The following CCSER1 variants were observed in gnomAD, a reference collection of about 807,000 sequenced individuals.
CCSER1 encodes the protein coiled-coil serine rich protein 1.
In CCSER1, 41 loss-of-function variants were observed where a neutral mutation model predicts 82.0. The observed-to-expected ratio is 0.50, with a 90% CI of 0.39 to 0.65. CCSER1 has a LOEUF of 0.65. Ranked by LOEUF, CCSER1 falls within the 30% of genes least tolerant of loss-of-function variation. The pLI is 0.00. For synonymous variants in CCSER1, 414 were observed against 383.9 expected, an observed-to-expected ratio of 1.08 and a Z score of -0.92; for missense variants, 1,119 against 1,064.2, an observed-to-expected ratio of 1.05 and a Z score of -0.72.
chr4:91,045,907 G>T (rs533935000), intron 9 of CCSER1, among the ~76,000 whole-genome samples: 121 of 151,952 alleles, frequency 8.0e-4, no homozygotes, highest in African/African-American at 2.8e-3. Context: ...GGGAGATAGG[G>T]GTGGGGCTGT....
intron 8 of CCSER1, among the ~76,000 whole-genome samples, chr4:90,860,019 A>C (rs1438911156): frequency 6.6e-6 from 1 of 151,684 alleles, no homozygotes; most frequent in Non-Finnish European, 1.5e-5. Flanking sequence ...CTTTGTGTCA[A>C]AATTAAAAAC....
At chr4:90,376,292 C>CAGTACAACAT (rs1748302342) in intron 3 of CCSER1, among the ~76,000 whole-genome samples, 1 of 152,168 alleles carries the variant, frequency 6.6e-6, no homozygotes, top group South Asian at 2.1e-4. Flanking sequence ...TCTGAAAAGG[C>CAGTACAACAT]AGTACAACAT....
At chr4:90,838,420 T>G (rs1270884266) in intron 8 of CCSER1, among the ~76,000 whole-genome samples, 1 of 151,714 alleles carries the variant, frequency 6.6e-6, no homozygotes, top group African/African-American at 2.4e-5. Flanking sequence ...TGAATTCAAT[T>G]TATATGATCT....
chr4:91,447,980 G>A lies in CCSER1; in HGVS notation c.2218-150592G>A, dbSNP rs149168093. On this transcript the variant is annotated intron_variant, in intron 10 of 10. Transcript: ENST00000509176. Reference sequence around the variant, plus strand: ...TATTTGCATTATTTTAGATGTTTATGTGAGTGTTCATATTACTTTCAGTGT... The same window carrying A: ...TATTTGCATTATTTTAGATGTTTATATGAGTGTTCATATTACTTTCAGTGT... Among the ~76,000 whole-genome samples, 44 of 152,162 alleles carry A rather than the reference G, an allele frequency of 2.9e-4. No individual in the cohort carries two copies. In the East Asian group the frequency reaches 7.9e-3, roughly 27 times the overall value.
intron 7 of CCSER1, among the ~76,000 whole-genome samples, chr4:90,734,067 C>T (rs764301097): frequency 2.6e-5 from 4 of 151,324 alleles, no homozygotes; most frequent in Non-Finnish European, 4.4e-5. Context: ...TTGTGAAAAA[C>T]GTCAATTTAA....
At chr4:90,483,018 T>C (rs2153599347) in intron 5 of CCSER1, among the ~76,000 whole-genome samples, 1 of 152,332 alleles carries the variant, frequency 6.6e-6, no homozygotes, top group South Asian at 2.1e-4. Flanking sequence ...AGTCACTTTG[T>C]AGGTCACTAA....
chr4:91,587,467 T>C (rs748935655), intron 10 of CCSER1, among the ~76,000 whole-genome samples: 5 of 151,828 alleles, frequency 3.3e-5, no homozygotes, highest in Non-Finnish European at 1.5e-5. Flanking sequence ...ATCAGACATA[T>C]ATATGTTGAC....
chr4:90,407,383 T>C (rs953138274), intron 4 of CCSER1, among the ~76,000 whole-genome samples: 17 of 152,092 alleles, frequency 1.1e-4, no homozygotes, highest in Non-Finnish European at 2.2e-4. Flanking sequence ...ACAAAAAAAG[T>C]TTAGGACCAG....
chr4:90,414,524 T>C (rs1281417759), intron 4 of CCSER1, among the ~76,000 whole-genome samples: 1 of 152,070 alleles, frequency 6.6e-6, no homozygotes, highest in Non-Finnish European at 1.5e-5. Context: ...TGTTAGAAAA[T>C]ATGAGATGCT....
intron 10 of CCSER1, among the ~76,000 whole-genome samples, chr4:91,332,934 A>G (rs753423494): frequency 6.6e-6 from 1 of 152,042 alleles, no homozygotes; most frequent in Non-Finnish European, 1.5e-5. Flanking sequence ...TATTATGTAT[A>G]AAAGTTTATT....
At chr4:90,700,744 G>A (rs1052354935) in intron 6 of CCSER1, among the ~76,000 whole-genome samples, 6 of 152,210 alleles carry the variant, frequency 3.9e-5, no homozygotes, top group Non-Finnish European at 7.3e-5. Context: ...GACCAGTGAT[G>A]ATGAGCATTT....
At chr4:90,641,351 C>G (rs1234704327) in intron 6 of CCSER1, among the ~76,000 whole-genome samples, 1 of 152,020 alleles carries the variant, frequency 6.6e-6, no homozygotes, top group Non-Finnish European at 1.5e-5. Context: ...ACACCGTATT[C>G]AGGGTAAGAT....
intron 10 of CCSER1, among the ~76,000 whole-genome samples, chr4:91,392,051 G>A (rs1025274778): frequency 6.6e-6 from 1 of 151,894 alleles, no homozygotes; most frequent in African/African-American, 2.4e-5. Flanking sequence ...TCTATTTGTA[G>A]TATTTGAAAT....
At chr4:90,914,715 GAA>G (rs61366146) in intron 8 of CCSER1, among the ~76,000 whole-genome samples, 1 of 128,624 alleles carries the variant, frequency 7.8e-6, no homozygotes, top group African/African-American at 2.8e-5. Context: ...GCTTTTTATT[GAA>G]AAAAAAAAAA....
At chr4:91,446,962 A>G (rs918464646) in intron 10 of CCSER1, among the ~76,000 whole-genome samples, 1 of 151,960 alleles carries the variant, frequency 6.6e-6, no homozygotes, top group African/African-American at 2.4e-5. Context: ...GTGTTATAGG[A>G]AGTAAATGTC....
At chr4:90,668,979 C>G (rs939654182) in intron 6 of CCSER1, among the ~76,000 whole-genome samples, 1 of 151,810 alleles carries the variant, frequency 6.6e-6, no homozygotes, top group Admixed American at 6.6e-5. Context: ...TAATAAGGGC[C>G]ATAAGAGAAA....
intron 9 of CCSER1, among the ~76,000 whole-genome samples, chr4:91,073,882 C>G (rs1302884191): frequency 1.3e-5 from 2 of 152,038 alleles, no homozygotes; most frequent in Admixed American, 1.3e-4. Context: ...TCATCCATTA[C>G]AACTCTCTAT....
chr4:90,780,563 C>A, intron 7 of CCSER1: 1 of 1,553,860 alleles, frequency 6.4e-7, no homozygotes, highest in South Asian at 1.2e-5. Context: ...AGAATAAAGA[C>A]TCTTTCCATC....
At chr4:90,336,961 G>C (rs866752143) in intron 3 of CCSER1, among the ~76,000 whole-genome samples, 5 of 152,046 alleles carry the variant, frequency 3.3e-5, no homozygotes, top group African/African-American at 9.7e-5. Flanking sequence ...CATCACAAAT[G>C]GTTTATTTAC....
Sources: gnomAD v4.1 joint callset for allele counts (sites outside exome capture counted in the v4.1 genomes callset) on GRCh38, gnomAD v4.1.1 for gene constraint, MANE v1.5 for transcripts, NCBI Gene and HGNC (gene_info 2026-07-23, HGNC 2026-07-21) for gene names.